Variants in MTSS1 observed in about 807,000 individuals in gnomAD.
The protein encoded by MTSS1 is MTSS I-BAR domain containing 1.
In MTSS1, 18 loss-of-function variants were observed where a neutral mutation model predicts 79.0. The ratio of observed to expected loss-of-function variants is 0.23; its 90% CI spans 0.16 to 0.34. MTSS1 has a LOEUF of 0.34. Ranked by LOEUF, MTSS1 falls within the 10% of genes least tolerant of loss-of-function variation. The probability of loss-of-function intolerance (pLI) is 1.00; values close to 1 mark genes in which losing one functional copy is unlikely to be tolerated. For synonymous variants in MTSS1, 341 were observed against 368.6 expected, an observed-to-expected ratio of 0.93 and a Z score of 0.86; for missense variants, 815 against 986.2, an observed-to-expected ratio of 0.83 and a Z score of 2.33.
intron 5 of MTSS1, among the ~76,000 whole-genome samples, chr8:124,586,388 G>A (rs757964952): frequency 6.6e-6 from 1 of 152,160 alleles, no homozygotes; most frequent in Non-Finnish European, 1.5e-5. Context: ...TAACGTCAGC[G>A]TGATGAAACC....
chr8:124,557,859 GA>G lies in MTSS1; in HGVS notation c.1051del (p.Ser351LeufsTer73). On this transcript the variant is annotated frameshift_variant, in exon 11 of 14. Transcript: ENST00000518547. LOFTEE classifies it high-confidence loss of function. The stretch of plus-strand genomic sequence containing the variant: ...GGACTCACTTGATAAACTATAGTGA[GA>G]AAACCCGTTAGACAACTGGAAACAA... Reference protein sequence around the residue: ...EAPNQLSNGFSHYSLSSESHV... With the variant: ...EAPNQLSNGFXHYSLSSESHV... The G allele has an allele frequency of 1.3e-6, 2 of 1,493,624 alleles. No individual in the cohort carries two copies. The highest frequency in any genetic ancestry group is 9.0e-7 in the Non-Finnish European group (1 of 1,109,386). 92.5% of individuals were successfully genotyped at this position (1,493,624 alleles called of 1,614,324 possible). A position where few individuals can be genotyped will look rare whatever the true frequency, so the allele number is the denominator to read the frequency against.
chr8:124,710,486 A>ACCG (rs10685045), intron 1 of MTSS1, among the ~76,000 whole-genome samples: 8,170 of 152,214 alleles, frequency 0.054, 291 homozygotes, highest in African/African-American at 0.093. Flanking sequence ...CTTAGGAGAC[A>ACCG]CCGCCGAGTG....
intron 3 of MTSS1, among the ~76,000 whole-genome samples, chr8:124,684,280 C>T (rs1437532016): frequency 6.6e-6 from 1 of 152,118 alleles, no homozygotes; most frequent in Non-Finnish European, 1.5e-5. Flanking sequence ...TGTCATTTTG[C>T]AAAGGAATTC....
chr8:124,614,622 T>C (rs1336672491), intron 3 of MTSS1, among the ~76,000 whole-genome samples: 1 of 152,254 alleles, frequency 6.6e-6, no homozygotes, highest in Admixed American at 6.5e-5. Context: ...TCATGAATGG[T>C]AGTTAAGTTC....
chr8:124,601,461 G>C (rs1429782864), intron 3 of MTSS1, among the ~76,000 whole-genome samples: 1 of 152,176 alleles, frequency 6.6e-6, no homozygotes, highest in African/African-American at 2.4e-5. Context: ...AAAATCCAGG[G>C]CTCGGGACTG....
rs554705102 is a variant in MTSS1 at position 124,611,564 on chromosome 8, C to T, written c.209-20329G>A. ...CAGACCCTCGGCTCCCTTCAATTCA[C>T]CACGTCCCTCAGCTCACCACCCACC... On this transcript the variant is annotated intron_variant, in intron 3 of 13. Coordinates refer to ENST00000518547, the MANE Select transcript of MTSS1 (RefSeq NM_014751.6). Among the ~76,000 whole-genome samples the T allele has an allele frequency of 2.3e-3, 349 of 152,188 alleles. 2 individuals carry two copies. The highest frequency in any genetic ancestry group is 7.3e-3 in the African/African-American group (303 of 41,516).
intron 3 of MTSS1, among the ~76,000 whole-genome samples, chr8:124,611,108 C>A (rs974264459): frequency 7.5e-6 from 1 of 133,444 alleles, no homozygotes; most frequent in Non-Finnish European, 1.6e-5. Context: ...CCAGACAGAC[C>A]CCCCCCCCCC....
intron 3 of MTSS1, among the ~76,000 whole-genome samples, chr8:124,651,599 G>C (rs1421904253): frequency 3.9e-5 from 6 of 152,154 alleles, no homozygotes; most frequent in African/African-American, 2.4e-5. Context: ...CCACAGACCA[G>C]ATAAAGAGCT....
chr8:124,706,784 G>C (rs950290249), intron 1 of MTSS1, among the ~76,000 whole-genome samples: 15 of 152,214 alleles, frequency 9.9e-5, no homozygotes, highest in African/African-American at 3.4e-4. Flanking sequence ...GAAAACTTGT[G>C]AGAGCTCAGG....
chr8:124,674,039 G>A (rs759699004), intron 3 of MTSS1, among the ~76,000 whole-genome samples: 22 of 152,142 alleles, frequency 1.4e-4, no homozygotes, highest in African/African-American at 4.8e-4. Context: ...CATCTCACCC[G>A]GTCACCTCGG....
intron 6 of MTSS1, among the ~76,000 whole-genome samples, chr8:124,581,506 A>C (rs1830048684): frequency 6.7e-6 from 1 of 149,652 alleles, no homozygotes; most frequent in African/African-American, 2.5e-5. Flanking sequence ...CCCAGGCTGG[A>C]GTGCAGTGGT....
intron 1 of MTSS1, among the ~76,000 whole-genome samples, chr8:124,714,877 G>A (rs892055598): frequency 4.6e-5 from 7 of 152,286 alleles, no homozygotes; most frequent in Non-Finnish European, 8.8e-5. Flanking sequence ...TACAGGGGCT[G>A]GCTGCTTTTA....
At chr8:124,673,628 G>A (rs1824710614) in intron 3 of MTSS1, 1 of 152,142 alleles carries the variant, frequency 6.6e-6, no homozygotes, top group South Asian at 2.1e-4. Flanking sequence ...GCACAGATGG[G>A]CCGCGTCAAT....
At chr8:124,653,184 C>T (rs1302493260) in intron 3 of MTSS1, among the ~76,000 whole-genome samples, 1 of 152,136 alleles carries the variant, frequency 6.6e-6, no homozygotes, top group Non-Finnish European at 1.5e-5. Flanking sequence ...TTTTAAAAGC[C>T]CAGACCAACC....
In MTSS1 at chr8:124,553,211, A is replaced by C. The variant is rs1822838435; in HGVS notation, c.2049T>G (p.Pro683=). The C allele has an allele frequency of 6.2e-7, 1 of 1,613,982 alleles. No homozygotes were observed. The highest frequency in any genetic ancestry group is 1.7e-5 in the Admixed American group (1 of 59,994). Residue 683 remains proline, a synonymous_variant, in exon 14 of 14, where the codon CCT becomes CCG. Coordinates refer to ENST00000518547, the MANE Select transcript of MTSS1 (RefSeq NM_014751.6). This position sits in a 1 kb window ranked among gnomAD's most constrained non-coding sequence, Gnocchi z 6.0. ...CTGGAATTGCCTGTCTGTGCTCCTCAGGGATACTGGGCTTCGGGCCTGGAA... is the reference window on the plus strand; with the variant it reads ...CTGGAATTGCCTGTCTGTGCTCCTCCGGGATACTGGGCTTCGGGCCTGGAA... ...PPLPGPKPSI[P]EEHRQAIPES...
At chr8:124,629,700 G>A (rs1815516465) in intron 3 of MTSS1, among the ~76,000 whole-genome samples, 1 of 152,084 alleles carries the variant, frequency 6.6e-6, no homozygotes, top group Admixed American at 6.5e-5. Flanking sequence ...CTGTCCTGCT[G>A]GAGGCTGGAC....
At chr8:124,622,671 T>G (rs1371571242) in intron 3 of MTSS1, among the ~76,000 whole-genome samples, 1 of 151,660 alleles carries the variant, frequency 6.6e-6, no homozygotes, top group Non-Finnish European at 1.5e-5. Context: ...GGCATACTCT[T>G]GTAATCCATT....
intron 3 of MTSS1, among the ~76,000 whole-genome samples, chr8:124,684,500 AT>A (rs1158300478): frequency 6.6e-6 from 1 of 152,242 alleles, no homozygotes; most frequent in Non-Finnish European, 1.5e-5. Flanking sequence ...GATTAGGAAC[AT>A]TCATTTCTAA....
At chr8:124,667,012 A>G (rs1401437593) in intron 3 of MTSS1, among the ~76,000 whole-genome samples, 1 of 152,224 alleles carries the variant, frequency 6.6e-6, no homozygotes, top group African/African-American at 2.4e-5. Flanking sequence ...AACCCAAGAC[A>G]AATCTAGTCT....
Sources: gnomAD v4.1 joint callset for allele counts (sites outside exome capture counted in the v4.1 genomes callset) on GRCh38, gnomAD v4.1.1 for gene constraint, Gnocchi (gnomAD v3.1) non-coding constraint, MANE v1.5 for transcripts, NCBI Gene and HGNC (gene_info 2026-07-23, HGNC 2026-07-21) for gene names.